The following SEMA3F variants were observed in gnomAD, a reference collection of about 807,000 sequenced individuals.
SEMA3F encodes semaphorin-3F.
A neutral mutation model predicts 98.5 loss-of-function variants in SEMA3F; 30 were observed. That is an observed-to-expected ratio of 0.30 (90% CI 0.23 to 0.41). SEMA3F has a LOEUF of 0.41. Among genes scored for constraint, SEMA3F ranks in the 10% least tolerant of loss-of-function variants. SEMA3F has a pLI of 1.00. For synonymous variants in SEMA3F, 380 were observed against 444.8 expected, an observed-to-expected ratio of 0.85 and a Z score of 1.83; for missense variants, 866 against 1,119.3, an observed-to-expected ratio of 0.77 and a Z score of 3.23.
At position 50,166,779 on chromosome 3, in the gene SEMA3F, T is replaced by A. The variant is rs1163741540; in HGVS notation, c.113-7014T>A. 1.3e-5 allele frequency among the ~76,000 whole-genome samples: 2 copies of A among 152,196 alleles called. No homozygotes were observed. On this transcript the variant is annotated intron_variant, in intron 2 of 18. Coordinates refer to ENST00000002829, the MANE Select transcript of SEMA3F (RefSeq NM_004186.5). This position sits in a 1 kb window ranked among gnomAD's most constrained non-coding sequence, Gnocchi z 4.7. ...AGCCTGTTGGTCCCATCTTGGCCTG[T>A]CTGTCTGGGTGATTTATCAGAGTAA...
chr3:50,160,179 G>A (rs748326937), intron 2 of SEMA3F, among the ~76,000 whole-genome samples: 5 of 152,214 alleles, frequency 3.3e-5, no homozygotes, highest in Non-Finnish European at 5.9e-5. Context: ...GACACTGGAA[G>A]AGCAGGACCT....
chr3:50,185,580 C>G (rs1347017844), intron 14 of SEMA3F, 49 bp downstream of exon 14: 12 of 1,612,186 alleles, frequency 7.4e-6, no homozygotes, highest in Admixed American at 6.7e-5. Flanking sequence ...TACCCTCCCC[C>G]CAGTCCCAGC....
intron 1 of SEMA3F, among the ~76,000 whole-genome samples, chr3:50,157,314 A>G (rs1310959917): frequency 6.6e-6 from 1 of 151,500 alleles, no homozygotes; most frequent in Non-Finnish European, 1.5e-5. Context: ...TCTTTGTTCA[A>G]GCGTCTCTCC....
Position 50,165,399 on chromosome 3 carries a change from G to A in SEMA3F, c.112+5665G>A, listed in dbSNP as rs141182962. On this transcript the variant is annotated intron_variant, in intron 2 of 18. Coordinates refer to ENST00000002829, the MANE Select transcript of SEMA3F (RefSeq NM_004186.5). ...TTCCAGTGATACGGATGCATTTGGC[G>A]GGAGTGATGCCTTGGAAGTAGCTCC... Among the ~76,000 whole-genome samples the A allele has an allele frequency of 5.2e-3, 791 of 152,286 alleles. 1 individual carries two copies. Among genetic ancestry groups the A allele is most frequent in the Non-Finnish European group, 7.9e-3 (535 of 68,008 alleles).
rs768661142 is a variant in SEMA3F at position 50,184,712 on chromosome 3, C to A, written c.1354C>A (p.Pro452Thr). The change falls in exon 13 of 19, where the codon CCC becomes ACC. Residue 452 changes from proline to threonine, a missense_variant. Pro to Thr is a conservative substitution (Grantham distance 38). Around this residue, in one of 3 missense-constraint regions of SEMA3F, gnomAD observed 374 missense variants for 582.8 expected, o/e 0.64. Transcript: ENST00000002829. ...GGCCGTGTACCCTCTGCAGCGGCGGCCCCTGGTAGTCCGCACAGGTGCTCC... is the reference window on the plus strand; with the variant it reads ...GGCCGTGTACCCTCTGCAGCGGCGGACCCTGGTAGTCCGCACAGGTGCTCC... ...YQAVYPLQRR[P>T]LVVRTGAPYR... is the part of the protein sequence containing the mutation. 1.5e-5 allele frequency: 24 copies of A among 1,614,104 alleles called. No individual in the cohort carries two copies. In the Middle Eastern group the frequency reaches 8.2e-4, roughly 55 times the overall value.
chr3:50,184,916 C>T (rs571383032), intron 13 of SEMA3F, 102 bp downstream of exon 13: 7 of 790,092 alleles, frequency 8.9e-6, no homozygotes, highest in South Asian at 3.4e-5. Flanking sequence ...GCTGCAAGCT[C>T]ATCAGAGTCA....
rs568367340 is a variant in SEMA3F, at chr3:50,160,550, C to T, written c.112+816C>T. Among the ~76,000 whole-genome samples, 288 of 152,330 alleles carry T rather than the reference C, an allele frequency of 1.9e-3. 1 individual carries two copies. Among genetic ancestry groups the T allele is most frequent in the Non-Finnish European group, 3.5e-3 (240 of 68,020 alleles). ...GTGTGTGTGGTCTGAAGAGTCTCCC[C>T]TGGGCCCAGGGTGAGGGGCAGTGGC... On this transcript the variant is annotated intron_variant, in intron 2 of 18. Coordinates refer to ENST00000002829, the MANE Select transcript of SEMA3F (RefSeq NM_004186.5).
At position 50,159,558 on chromosome 3, in the gene SEMA3F, T is replaced by C; in HGVS notation, c.-48-17T>C. 1 of 972,906 alleles carries C rather than the reference T, an allele frequency of 1.0e-6. No individual in the cohort carries two copies. The highest frequency in any genetic ancestry group is 1.6e-6 in the Non-Finnish European group (1 of 628,086). The allele number at this position is 972,906 out of a possible 1,614,324, so 60.3% of individuals were successfully genotyped here. A position where few individuals can be genotyped will look rare whatever the true frequency, so the allele number is the denominator to read the frequency against. ...CCCATCTGCCTCACACATTCCAATC[T>C]TGGTTCCCCTTCCCAGGTTTCTAGA... On this transcript the variant is annotated splice_polypyrimidine_tract_variant and intron_variant, in intron 1 of 18. Transcript: ENST00000002829.
intron 7 of SEMA3F, among the ~76,000 whole-genome samples, chr3:50,177,304 C>T (rs987329327): frequency 2.6e-5 from 4 of 152,136 alleles, no homozygotes; most frequent in Non-Finnish European, 5.9e-5. Flanking sequence ...TGTGACCAGA[C>T]GGGGAGAGCA....
rs1249011069 is a variant in SEMA3F at position 50,187,774 on chromosome 3, C to G, written c.2017C>G (p.Arg673Gly). 2.5e-6 allele frequency: 4 copies of G among 1,613,304 alleles called. No individual in the cohort carries two copies. The highest frequency in any genetic ancestry group is 1.7e-5 in the Admixed American group (1 of 60,026). ...LLLRALQLSD[R>G]GLYSCTATEN... Reference sequence around the variant, plus strand: ...GCTCCGTGCACTGCAGCTCAGCGATCGTGGCCTCTACTCCTGCACAGCCAC... The same window carrying G: ...GCTCCGTGCACTGCAGCTCAGCGATGGTGGCCTCTACTCCTGCACAGCCAC... The change falls in exon 19 of 19, where the codon CGT (arginine) becomes GGT (glycine). Residue 673 changes from arginine (R) to glycine (G), a missense_variant. Transcript: ENST00000002829.
rs961313980 is a variant in SEMA3F, at chr3:50,166,512, A to T, written c.112+6778A>T. On this transcript the variant is annotated intron_variant, in intron 2 of 18. Coordinates refer to ENST00000002829, the MANE Select transcript of SEMA3F (RefSeq NM_004186.5). The surrounding 1 kb of genome is among the most constrained non-coding windows in gnomAD (Gnocchi z 4.7). ...CCTGCCCTTGACTGGCTACCTGCTG[A>T]GTCCTGCTGAGGTCCTAACCCAGCC... Among the ~76,000 whole-genome samples the T allele has an allele frequency of 7.9e-5, 12 of 152,060 alleles. No homozygotes were observed. Among genetic ancestry groups the T allele is most frequent in the Admixed American group, 2.0e-4 (3 of 15,260 alleles).
At position 50,182,220 on chromosome 3, in the gene SEMA3F, T is replaced by G. The variant is rs1699038586; in HGVS notation, c.644-64T>G. 2 of 1,611,712 alleles carry G rather than the reference T, an allele frequency of 1.2e-6. No individual in the cohort carries two copies. The highest frequency in any genetic ancestry group is 3.3e-5 in the Admixed American group (2 of 60,000). The stretch of plus-strand genomic sequence containing the variant: ...AGATAAGGCCCTGCCCTGGAAGTCA[T>G]CTGAGCTGTGCCCTGGCCCTAGCAA... On this transcript the variant is annotated intron_variant, in intron 7 of 18. Transcript: ENST00000002829. This position sits in a 1 kb window ranked among gnomAD's most constrained non-coding sequence, Gnocchi z 4.5.
At chr3:50,160,423 C>T (rs753133194) in intron 2 of SEMA3F, among the ~76,000 whole-genome samples, 54 of 152,290 alleles carry the variant, frequency 3.5e-4, no homozygotes, top group East Asian at 9.6e-4. Context: ...AGAGGCTGGT[C>T]GCCCGCTCCA....
intron 2 of SEMA3F, among the ~76,000 whole-genome samples, chr3:50,172,785 C>A (rs1349878783): frequency 6.6e-6 from 1 of 152,180 alleles, no homozygotes; most frequent in Non-Finnish European, 1.5e-5. Flanking sequence ...TTGCTGTGCA[C>A]CAGCTGTGCC....
In SEMA3F at chr3:50,182,475, A is replaced by G; in HGVS notation, c.763+72A>G. ...CGGCAAGGAGGTCGTAAAGAAGCAC[A>G]TGTGGGGGAAGTGGGGACATGTTTA... is the stretch of plus-strand genomic sequence containing the variant. On this transcript the variant is annotated intron_variant, in intron 8 of 18. Transcript: ENST00000002829. The surrounding 1 kb of genome is among the most constrained non-coding windows in gnomAD (Gnocchi z 4.5). The G allele has an allele frequency of 1.9e-6, 3 of 1,602,440 alleles. No individual in the cohort carries two copies. Among genetic ancestry groups the G allele is most frequent in the South Asian group, 1.1e-5 (1 of 90,848 alleles).
At position 50,156,902 on chromosome 3, in the gene SEMA3F, G is replaced by C. The variant is rs1408911212; in HGVS notation, c.-49+1338G>C. On this transcript the variant is annotated intron_variant, in intron 1 of 18. Coordinates refer to ENST00000002829, the MANE Select transcript of SEMA3F (RefSeq NM_004186.5). The surrounding 1 kb of genome is among the most constrained non-coding windows in gnomAD (Gnocchi z 4.5). ...CTGGGAAACCCTGGCCACAAAAGGG[G>C]GGTTTCAGTCCCAGCTATGCTGGGG... Among the ~76,000 whole-genome samples the C allele has an allele frequency of 6.6e-6, 1 of 152,094 alleles. No homozygotes were observed. The highest frequency in any genetic ancestry group is 1.5e-5 in the Non-Finnish European group (1 of 68,006).
chr3:50,184,486 G>A, intron 12 of SEMA3F, 106 bp from the exon 13 acceptor site: 1 of 771,518 alleles, frequency 1.3e-6, no homozygotes, highest in East Asian at 2.6e-5. Flanking sequence ...GAGAGGAGCA[G>A]GTTGAGGTAG....
At chr3:50,175,400 A>G (rs1289660843) in intron 6 of SEMA3F, among the ~76,000 whole-genome samples, 1 of 152,196 alleles carries the variant, frequency 6.6e-6, no homozygotes, top group Non-Finnish European at 1.5e-5. Flanking sequence ...GCAGGCAAGA[A>G]ATAATGAAGC....
intron 6 of SEMA3F, among the ~76,000 whole-genome samples, chr3:50,175,836 T>C (rs1575396179): frequency 6.6e-6 from 1 of 152,060 alleles, no homozygotes; most frequent in African/African-American, 2.4e-5. Context: ...GAGCAGGCGG[T>C]TCCGTGTGCT....
Sources: allele counts gnomAD v4.1 joint callset (sites outside exome capture counted in the v4.1 genomes callset), GRCh38; gene constraint gnomAD v4.1.1; regional missense constraint gnomAD v4.1.1; non-coding constraint Gnocchi (gnomAD v3.1); transcripts MANE v1.5; gene names NCBI Gene and HGNC (gene_info 2026-07-23, HGNC 2026-07-21).